The following CSMD1 variants were observed in gnomAD, a reference collection of about 807,000 sequenced individuals.
The protein encoded by CSMD1 is CUB and Sushi multiple domains 1.
A neutral mutation model predicts 417.5 loss-of-function variants in CSMD1; 213 were observed. The ratio of observed to expected loss-of-function variants is 0.51; its 90% CI spans 0.46 to 0.57. The LOEUF (loss-of-function observed/expected upper bound fraction) is 0.57. Among genes scored for constraint, CSMD1 ranks in the 20% least tolerant of loss-of-function variants. CSMD1 has a pLI of 0.00. For synonymous variants in CSMD1, 2,862 were observed against 1,736.8 expected, an observed-to-expected ratio of 1.65 and a Z score of -16.11; for missense variants, 6,923 against 4,529.7, an observed-to-expected ratio of 1.53 and a Z score of -15.17.
intron 18 of CSMD1, among the ~76,000 whole-genome samples, chr8:3,384,012 C>T (rs1810805232): frequency 6.6e-6 from 1 of 152,044 alleles, no homozygotes; most frequent in Non-Finnish European, 1.5e-5. Flanking sequence ...TACATAACCA[C>T]TAGTGCCAGA....
At position 4,855,332 on chromosome 8, in the gene CSMD1, C is replaced by T. The variant is rs190987918; in HGVS notation, c.85+139000G>A. Among the ~76,000 whole-genome samples the T allele has an allele frequency of 4.3e-3, 656 of 152,142 alleles. 4 individuals are homozygous for T. Among genetic ancestry groups the T allele is most frequent in the African/African-American group, 0.014 (597 of 41,526 alleles). ...ATGGGGAAAAAACAGAACAGAAAAA[C>T]TGGAAACTCCAAAAAGCAGAGCGCC... On this transcript the variant is annotated intron_variant, in intron 1 of 69. Coordinates refer to ENST00000635120, the MANE Select transcript of CSMD1 (RefSeq NM_033225.6).
chr8:3,972,760 G>T (rs185812441), intron 5 of CSMD1, among the ~76,000 whole-genome samples: 1 of 152,166 alleles, frequency 6.6e-6, no homozygotes, highest in Non-Finnish European at 1.5e-5. Flanking sequence ...CATTAAAAAT[G>T]TATATATTCA....
Position 4,578,187 on chromosome 8 carries a change from G to C in CSMD1, c.302+59155C>G, listed in dbSNP as rs150824953. On this transcript the variant is annotated intron_variant, in intron 2 of 69. Transcript: ENST00000635120. ...ATTTTTTGTTCTTTTTTGAGAGGAA[G>C]TCTCGCTCTGTTGCCCACGCTGGAG... Among the ~76,000 whole-genome samples, 1,176 of 152,144 alleles carry C rather than the reference G, an allele frequency of 7.7e-3. 16 individuals are homozygous for C. Among genetic ancestry groups the C allele is most frequent in the African/African-American group, 0.027 (1,119 of 41,514 alleles).
chr8:3,343,532 T>C, intron 22 of CSMD1, 82 bp from the exon 23 acceptor site: 1 of 1,246,732 alleles, frequency 8.0e-7, no homozygotes, highest in Non-Finnish European at 1.1e-6. Flanking sequence ...ATCCAAATCT[T>C]CAAAGATGCA....
At chr8:2,986,930 T>G (rs919284200) in intron 54 of CSMD1, among the ~76,000 whole-genome samples, 2 of 152,130 alleles carry the variant, frequency 1.3e-5, no homozygotes, top group African/African-American at 4.8e-5. Flanking sequence ...CAATTACTTT[T>G]GCATCGACCT....
chr8:4,647,622 G>A (rs1019529613), intron 1 of CSMD1, among the ~76,000 whole-genome samples: 2 of 151,682 alleles, frequency 1.3e-5, no homozygotes, highest in African/African-American at 4.8e-5. Context: ...GTATCTATGT[G>A]TTCTCATTGT....
At chr8:3,716,760 C>T (rs532350247) in intron 6 of CSMD1, among the ~76,000 whole-genome samples, 1 of 152,122 alleles carries the variant, frequency 6.6e-6, no homozygotes, top group Non-Finnish European at 1.5e-5. Flanking sequence ...GGTTCAAACG[C>T]CTCTTGACAA....
In CSMD1 at chr8:4,508,340, G is replaced by C. The variant is rs190663998; in HGVS notation, c.303-88275C>G. Among the ~76,000 whole-genome samples, 20 of 152,130 alleles carry C rather than the reference G, an allele frequency of 1.3e-4. No individual in the cohort carries two copies. In the East Asian group the frequency reaches 3.9e-3, roughly 29 times the overall value. On this transcript the variant is annotated intron_variant, in intron 2 of 69. Transcript: ENST00000635120. Reference sequence around the variant, plus strand: ...TTTCCTTCGAGAAAACTACAGGATTGTATAAGATGGGACTTCCAGTTAGTT... The same window carrying C: ...TTTCCTTCGAGAAAACTACAGGATTCTATAAGATGGGACTTCCAGTTAGTT...
chr8:3,249,014 A>G (rs1800080285), intron 26 of CSMD1, among the ~76,000 whole-genome samples: 1 of 152,068 alleles, frequency 6.6e-6, no homozygotes, highest in African/African-American at 2.4e-5. Context: ...CAGATGCTGT[A>G]ATTGTCCTGC....
chr8:3,428,068 G>T lies in CSMD1; in HGVS notation c.1562-18463C>A, dbSNP rs1213766608. ...GTTGCGTCTACCATTACTTATATCT[G>T]AAGGTAATTACAAAATAGCTATTAT... On this transcript the variant is annotated intron_variant, in intron 12 of 69. Coordinates refer to ENST00000635120, the MANE Select transcript of CSMD1 (RefSeq NM_033225.6). 5.3e-5 allele frequency among the ~76,000 whole-genome samples: 8 copies of T among 152,282 alleles called. 1 individual carries two copies. In the South Asian group the frequency reaches 8.3e-4, roughly 16 times the overall value.
At chr8:3,004,449 C>T (rs1243896826) in intron 52 of CSMD1, among the ~76,000 whole-genome samples, 1 of 152,162 alleles carries the variant, frequency 6.6e-6, no homozygotes, top group Non-Finnish European at 1.5e-5. Context: ...ACTCTTAAAT[C>T]AATCTTCTGC....
intron 3 of CSMD1, among the ~76,000 whole-genome samples, chr8:4,136,682 G>T (rs146417881): frequency 2.0e-5 from 3 of 152,156 alleles, no homozygotes; most frequent in African/African-American, 7.2e-5. Context: ...CAAGTGTGCT[G>T]TGAGTCTTCA....
At chr8:4,383,729 C>A (rs189401504) in intron 3 of CSMD1, among the ~76,000 whole-genome samples, 1 of 151,680 alleles carries the variant, frequency 6.6e-6, no homozygotes, top group Admixed American at 6.6e-5. Context: ...ATGAGAAATT[C>A]CACATGTGCA....
At chr8:3,598,574 G>C (rs1211730682) in intron 8 of CSMD1, among the ~76,000 whole-genome samples, 1 of 152,084 alleles carries the variant, frequency 6.6e-6, no homozygotes, top group African/African-American at 2.4e-5. Context: ...CAACAGAGGA[G>C]GACTTTTCTG....
At chr8:4,675,427 T>G (rs959145444) in intron 1 of CSMD1, among the ~76,000 whole-genome samples, 2 of 152,184 alleles carry the variant, frequency 1.3e-5, no homozygotes, top group Non-Finnish European at 2.9e-5. Context: ...TTGTCATATT[T>G]AACTTTGCTG....
intron 46 of CSMD1, among the ~76,000 whole-genome samples, chr8:3,099,378 G>C (rs1815569775): frequency 1.3e-5 from 2 of 152,062 alleles, no homozygotes; most frequent in South Asian, 4.1e-4. Context: ...CATTTTGTAA[G>C]CTCAGGGCTG....
At chr8:4,082,598 C>T (rs555238047) in intron 3 of CSMD1, among the ~76,000 whole-genome samples, 1 of 146,616 alleles carries the variant, frequency 6.8e-6, no homozygotes, top group Non-Finnish European at 1.5e-5. Context: ...AAAAACCTTT[C>T]TTTTTTCGTT....
intron 2 of CSMD1, among the ~76,000 whole-genome samples, chr8:4,572,969 G>A (rs967214127): frequency 6.6e-6 from 1 of 152,090 alleles, no homozygotes; most frequent in Non-Finnish European, 1.5e-5. Flanking sequence ...AGCTCCATCA[G>A]GTCATTTATG....
At chr8:4,657,582 A>G (rs898787434) in intron 1 of CSMD1, among the ~76,000 whole-genome samples, 10 of 152,172 alleles carry the variant, frequency 6.6e-5, no homozygotes, top group African/African-American at 2.4e-4. Context: ...TTCAATAACT[A>G]CAGCAATAAA....
Sources: allele counts gnomAD v4.1 joint callset (sites outside exome capture counted in the v4.1 genomes callset), GRCh38; gene constraint gnomAD v4.1.1; transcripts MANE v1.5; gene names NCBI Gene and HGNC (gene_info 2026-07-23, HGNC 2026-07-21).